Variants in SPACA1 observed in about 807,000 individuals in gnomAD.
SPACA1 encodes sperm acrosome associated 1.
Under a neutral mutation model 32.6 loss-of-function variants are expected in SPACA1, and 17 were observed. That is an observed-to-expected ratio of 0.52 (90% CI 0.36 to 0.78). SPACA1 has a LOEUF of 0.78. Ranked by LOEUF, SPACA1 falls within the 30% of genes least tolerant of loss-of-function variation. SPACA1 has a pLI of 0.01. For missense variants in SPACA1, 363 were observed against 373.4 expected (o/e 0.97, Z 0.23); for synonymous variants, 140 against 138.1 (o/e 1.01, Z -0.10).
intron 6 of SPACA1, among the ~76,000 whole-genome samples, chr6:88,065,477 T>C (rs890595777): frequency 1.3e-5 from 2 of 148,172 alleles, no homozygotes; most frequent in African/African-American, 4.9e-5. Flanking sequence ...ATATATATAC[T>C]ATATTTGCAT....
chr6:88,057,538 C>A, intron 2 of SPACA1, 74 bp from the exon 3 acceptor site: 2 of 953,622 alleles, frequency 2.1e-6, no homozygotes, highest in Non-Finnish European at 3.3e-6. Flanking sequence ...AAGAAAAGAC[C>A]TAGGTGGGAA....
chr6:88,056,697 G>A (rs1261272522), intron 2 of SPACA1, among the ~76,000 whole-genome samples: 1 of 152,130 alleles, frequency 6.6e-6, no homozygotes, highest in Non-Finnish European at 1.5e-5. Context: ...TAGAGGGGCT[G>A]GAAGAGGAAA....
chr6:88,058,462 C>T (rs1277959862), intron 3 of SPACA1, among the ~76,000 whole-genome samples: 1 of 152,032 alleles, frequency 6.6e-6, no homozygotes, highest in Non-Finnish European at 1.5e-5. Context: ...CATGGTGAAA[C>T]CTCCATCTCT....
Position 88,048,119 on chromosome 6 carries a change from G to T in SPACA1, c.208+6G>T, listed in dbSNP as rs2127796970. 3 of 1,581,688 alleles carry T rather than the reference G, an allele frequency of 1.9e-6. No homozygotes were observed. In the East Asian group the frequency reaches 6.8e-5, roughly 36 times the overall value. The stretch of plus-strand genomic sequence containing the variant: ...TCCGCCTGAAACCGAGGATGGTGAG[G>T]GCGGGAGCTCCCTTGCGGGGCACGC... On this transcript the variant is annotated splice_donor_region_variant and intron_variant, in intron 1 of 6. Coordinates refer to ENST00000237201, the MANE Select transcript of SPACA1 (RefSeq NM_030960.3).
upstream of SPACA1, chr6:88,047,806 C>G (rs996916620): frequency 7.6e-6 from 9 of 1,185,582 alleles, no homozygotes; most frequent in African/African-American, 1.5e-5. Flanking sequence ...GATTCGGAGC[C>G]GGGCGGCTAC....
chr6:88,064,317 T>C lies in SPACA1; in HGVS notation c.731+98T>C, dbSNP rs1051534448. 2.8e-5 allele frequency: 36 copies of C among 1,267,724 alleles called. 1 individual carries two copies. The highest frequency in any genetic ancestry group is 2.9e-5 in the Non-Finnish European group (27 of 930,552). The allele number at this position is 1,267,724 out of a possible 1,614,324, so 78.5% of individuals were successfully genotyped here. ...GCAAAGCCCTGTCCGTGATGTCTCC[T>C]ACATGTTGCCTTGAAACTGTCCATC... On this transcript the variant is annotated intron_variant, in intron 6 of 6. Coordinates refer to ENST00000237201, the MANE Select transcript of SPACA1 (RefSeq NM_030960.3).
intron 1 of SPACA1, 143 bp downstream of exon 1, chr6:88,048,256 C>T: frequency 1.1e-6 from 1 of 875,498 alleles, no homozygotes; most frequent in Non-Finnish European, 1.7e-6. Flanking sequence ...TTGTCCCTTT[C>T]TTGCATCCTG....
chr6:88,051,146 TAA>T (rs1260191006), intron 1 of SPACA1, among the ~76,000 whole-genome samples: 2 of 143,174 alleles, frequency 1.4e-5, no homozygotes, highest in Admixed American at 7.0e-5. Flanking sequence ...GACTCTGTCT[TAA>T]AAAAAAAAAA....
chr6:88,066,793 G>T lies in SPACA1; in HGVS notation c.*458G>T, dbSNP rs1245408967. Reference sequence around the variant, plus strand: ...ACATACAAAGTTTGTAAGACATGAAGTAATAACGATAATGATAACAATAAA... The same window carrying T: ...ACATACAAAGTTTGTAAGACATGAATTAATAACGATAATGATAACAATAAA... On this transcript the variant is annotated 3_prime_UTR_variant, in exon 7 of 7. Transcript: ENST00000237201. 6.6e-6 allele frequency: 1 copy of T among 152,406 alleles called. No individual in the cohort carries two copies. The highest frequency in any genetic ancestry group is 2.4e-5 in the African/African-American group (1 of 41,444). The allele number at this position is 152,406 out of a possible 1,614,324, so 9.4% of individuals were successfully genotyped here. A position where few individuals can be genotyped will look rare whatever the true frequency, so the allele number is the denominator to read the frequency against.
chr6:88,060,758 T>C (rs554464850), intron 5 of SPACA1, among the ~76,000 whole-genome samples: 1 of 152,310 alleles, frequency 6.6e-6, no homozygotes, highest in African/African-American at 2.4e-5. Flanking sequence ...ATATTAAAGG[T>C]GTGTGGAGCC....
chr6:88,057,381 A>T (rs1582271680), intron 2 of SPACA1, among the ~76,000 whole-genome samples: 1 of 152,224 alleles, frequency 6.6e-6, no homozygotes, highest in Non-Finnish European at 1.5e-5. Context: ...CCTTTTTCTT[A>T]TGGTAACCAG....
intron 6 of SPACA1, 89 bp from the exon 7 acceptor site, chr6:88,066,093 A>T: frequency 9.8e-7 from 1 of 1,017,138 alleles, no homozygotes; most frequent in Non-Finnish European, 1.4e-6. Flanking sequence ...ACACATATAT[A>T]TATATTTCTA....
chr6:88,066,385 C>A lies in SPACA1; in HGVS notation c.*50C>A. The A allele has an allele frequency of 6.9e-7, 1 of 1,449,894 alleles. No homozygotes were observed. The highest frequency in any genetic ancestry group is 9.2e-7 in the Non-Finnish European group (1 of 1,084,214). 89.8% of individuals were successfully genotyped at this position (1,449,894 alleles called of 1,614,324 possible). On this transcript the variant is annotated 3_prime_UTR_variant, in exon 7 of 7. Coordinates refer to ENST00000237201, the MANE Select transcript of SPACA1 (RefSeq NM_030960.3). ...AAAGGATATTACAGAATATTAGATT[C>A]ATTATTACAAAAATAAAATACACAT...
chr6:88,065,274 A>C (rs1382790080), intron 6 of SPACA1, among the ~76,000 whole-genome samples: 1 of 148,770 alleles, frequency 6.7e-6, no homozygotes, highest in African/African-American at 2.4e-5. Flanking sequence ...CAGACTAAAA[A>C]TAATGAATGA....
intron 1 of SPACA1, among the ~76,000 whole-genome samples, chr6:88,051,004 G>A (rs1001038873): frequency 6.6e-5 from 10 of 151,978 alleles, no homozygotes; most frequent in Non-Finnish European, 7.4e-5. Flanking sequence ...AAAATTAGCC[G>A]GGCGTGGTTG....
rs529577604 is a variant in SPACA1, at chr6:88,049,513, T to A, written c.208+1400T>A. On this transcript the variant is annotated intron_variant, in intron 1 of 6. Transcript: ENST00000237201. ...AAACTTTAAACAATCTGAGGTGTTA[T>A]AGGTCTGAAAATTTCCAGAACCATT... 3.2e-4 allele frequency among the ~76,000 whole-genome samples: 49 copies of A among 152,330 alleles called. No individual in the cohort carries two copies. In the South Asian group the frequency reaches 9.7e-3, roughly 30 times the overall value.
In SPACA1 at chr6:88,059,575, C is replaced by G. The variant is rs1401668967; in HGVS notation, c.597C>G (p.Val199=). 1 of 1,611,972 alleles carries G rather than the reference C, an allele frequency of 6.2e-7. No homozygotes were observed. The highest frequency in any genetic ancestry group is 1.3e-5 in the African/African-American group (1 of 74,832). ...TAGTAGCAACTATTAAATTCACAGT[C>G]TATACGAGCAGTGGTAAGTGTCCAG... is the stretch of plus-strand genomic sequence containing the variant. ...NEIVATIKFT[V]YTSSELQMRR... is the part of the protein sequence containing the mutation. The change falls in exon 5 of 7, where the codon GTC becomes GTG. Residue 199 remains valine (V), a synonymous_variant. Coordinates refer to ENST00000237201, the MANE Select transcript of SPACA1 (RefSeq NM_030960.3).
chr6:88,056,402 C>G (rs530902928), intron 2 of SPACA1, among the ~76,000 whole-genome samples: 1 of 152,166 alleles, frequency 6.6e-6, no homozygotes, highest in African/African-American at 2.4e-5. Context: ...CAGCCATTCT[C>G]AGCCATCATC....
rs751805552 is a variant in SPACA1, at chr6:88,059,545, T to C, written c.567T>C (p.Asn189=). 4 of 1,613,522 alleles carry C rather than the reference T, an allele frequency of 2.5e-6. No individual in the cohort carries two copies. The highest frequency in any genetic ancestry group is 3.3e-5 in the Admixed American group (2 of 59,908). The change falls in exon 5 of 7, where the codon AAT becomes AAC. Residue 189 remains asparagine, a synonymous_variant. Coordinates refer to ENST00000237201, the MANE Select transcript of SPACA1 (RefSeq NM_030960.3). ...LAFECDTLDN[N]EIVATIKFTV... ...TCGAGTGTGACACACTGGATAATAATGAAATAGTAGCAACTATTAAATTCA... is the reference window on the plus strand; with the variant it reads ...TCGAGTGTGACACACTGGATAATAACGAAATAGTAGCAACTATTAAATTCA...
Sources: gnomAD v4.1 joint callset for allele counts (sites outside exome capture counted in the v4.1 genomes callset) on GRCh38, gnomAD v4.1.1 for gene constraint, MANE v1.5 for transcripts, NCBI Gene and HGNC (gene_info 2026-07-23, HGNC 2026-07-21) for gene names.